The following STIM1 variants were observed in gnomAD, a reference collection of about 807,000 sequenced individuals.
STIM1 encodes stromal interaction molecule 1.
In STIM1, 25 loss-of-function variants were observed where a neutral mutation model predicts 74.7. The ratio of observed to expected loss-of-function variants is 0.33; its 90% CI spans 0.24 to 0.47. The LOEUF (loss-of-function observed/expected upper bound fraction) is 0.47. STIM1 is among the 20% of genes least tolerant of loss of function. The pLI, the probability that STIM1 is intolerant of heterozygous loss-of-function variation, is 1.00. For missense variants in STIM1, 728 were observed against 920.8 expected (o/e 0.79, Z 2.71); for synonymous variants, 328 against 348.8 (o/e 0.94, Z 0.66).
At position 3,905,219 on chromosome 11, in the gene STIM1, G is replaced by C. The variant is rs571863510; in HGVS notation, c.139+48810G>C. The stretch of plus-strand genomic sequence containing the variant: ...ATGGTGACAGCAGTTTCAGTGGAGG[G>C]GTGGGGACAGAAGCTAGACTGCTGT... On this transcript the variant is annotated intron_variant, in intron 1 of 12. Coordinates refer to ENST00000526596, the MANE Select transcript of STIM1 (RefSeq NM_001382567.1). Among the ~76,000 whole-genome samples the C allele has an allele frequency of 8.5e-5, 13 of 152,266 alleles. No homozygotes were observed. The South Asian group carries it at 2.5e-3, about 29-fold the overall frequency.
At chr11:3,944,636 C>G (rs574151192) in intron 1 of STIM1, among the ~76,000 whole-genome samples, 1 of 152,352 alleles carries the variant, frequency 6.6e-6, no homozygotes, top group East Asian at 1.9e-4. Context: ...GTCACCAACT[C>G]ACTGTGCCAC....
At chr11:3,963,222 A>G (rs1054698332) in intron 1 of STIM1, among the ~76,000 whole-genome samples, 3 of 152,058 alleles carry the variant, frequency 2.0e-5, no homozygotes, top group African/African-American at 7.2e-5. Context: ...ATTTTTCCTC[A>G]TCCTCTTCCT....
chr11:3,944,837 T>C (rs1171867035), intron 1 of STIM1, among the ~76,000 whole-genome samples: 1 of 152,248 alleles, frequency 6.6e-6, no homozygotes, highest in Non-Finnish European at 1.5e-5. Flanking sequence ...CATCATTTCT[T>C]GCTAGGGTTT....
chr11:4,000,246 A>G (rs1211223597), intron 2 of STIM1, among the ~76,000 whole-genome samples: 1 of 100,952 alleles, frequency 9.9e-6, no homozygotes. Context: ...TTCTCCCAGC[A>G]TGCAGCTGCA....
At chr11:4,033,862 G>A (rs2094075160) in intron 3 of STIM1, among the ~76,000 whole-genome samples, 1 of 151,832 alleles carries the variant, frequency 6.6e-6, no homozygotes. Flanking sequence ...GCCTCCCAAA[G>A]TGCCAGGATT....
intron 1 of STIM1, among the ~76,000 whole-genome samples, chr11:3,870,257 T>C (rs2135261995): frequency 6.6e-6 from 1 of 152,312 alleles, no homozygotes; most frequent in African/African-American, 2.4e-5. Context: ...TTTTAGCTAT[T>C]AAACTTCCTA....
At chr11:4,085,905 T>C (rs2133237098) in intron 11 of STIM1, among the ~76,000 whole-genome samples, 1 of 152,350 alleles carries the variant, frequency 6.6e-6, no homozygotes, top group East Asian at 1.9e-4. Flanking sequence ...TTCCATTTTC[T>C]TCAAGTCTTT....
intron 2 of STIM1, among the ~76,000 whole-genome samples, chr11:3,981,535 T>C (rs2093505271): frequency 1.3e-5 from 2 of 152,220 alleles, no homozygotes; most frequent in Admixed American, 6.5e-5. Context: ...CTTTAAATAG[T>C]TTCTCTAGTG....
intron 1 of STIM1, among the ~76,000 whole-genome samples, chr11:3,876,402 C>T (rs1435400926): frequency 6.6e-6 from 1 of 151,972 alleles, no homozygotes; most frequent in Non-Finnish European, 1.5e-5. Flanking sequence ...GAAAGGACTA[C>T]ATTCATTTCT....
At chr11:3,955,102 AG>A (rs2093195257) in intron 1 of STIM1, among the ~76,000 whole-genome samples, 1 of 152,248 alleles carries the variant, frequency 6.6e-6, no homozygotes, top group South Asian at 2.1e-4. Context: ...AATCTTGTTG[AG>A]TAACAGAAGC....
intron 1 of STIM1, among the ~76,000 whole-genome samples, chr11:3,928,288 C>T (rs888540387): frequency 6.7e-6 from 1 of 149,880 alleles, no homozygotes; most frequent in African/African-American, 2.5e-5. Context: ...TGCAGTGGTG[C>T]AATCTCGGCT....
At chr11:4,074,201 T>C (rs2094423463) in intron 6 of STIM1, among the ~76,000 whole-genome samples, 1 of 152,210 alleles carries the variant, frequency 6.6e-6, no homozygotes. Flanking sequence ...GGAAATACCT[T>C]GTAAACTGGT....
chr11:3,932,918 C>G (rs1321403200), intron 1 of STIM1, among the ~76,000 whole-genome samples: 1 of 152,148 alleles, frequency 6.6e-6, no homozygotes, highest in Non-Finnish European at 1.5e-5. Flanking sequence ...AGACAGGCTC[C>G]TCTACAGAGT....
intron 2 of STIM1, among the ~76,000 whole-genome samples, chr11:3,995,405 T>C (rs1160687367): frequency 1.3e-5 from 2 of 152,190 alleles, no homozygotes; most frequent in South Asian, 2.1e-4. Context: ...AATCCTCTGA[T>C]GTTGCTCCTC....
At chr11:3,973,396 G>T in intron 2 of STIM1, 1 of 388,734 alleles carries the variant, frequency 2.6e-6, no homozygotes, top group Non-Finnish European at 5.0e-6. Flanking sequence ...TTCACAGTAT[G>T]GTATTTCTTT....
At chr11:4,005,987 A>G (rs2093776186) in intron 2 of STIM1, among the ~76,000 whole-genome samples, 1 of 152,150 alleles carries the variant, frequency 6.6e-6, no homozygotes, top group Non-Finnish European at 1.5e-5. Flanking sequence ...AGAGTTGGTA[A>G]ACTTTTCAGA....
chr11:4,041,182 TTC>T (rs2094144190), intron 3 of STIM1, among the ~76,000 whole-genome samples: 1 of 152,180 alleles, frequency 6.6e-6, no homozygotes, highest in East Asian at 1.9e-4. Flanking sequence ...AGTCACTCCT[TTC>T]TCTGTGCTCC....
Position 4,074,566 on chromosome 11 carries a change from C to A in STIM1, c.856C>A (p.Leu286Met). 6.2e-7 allele frequency: 1 copy of A among 1,614,114 alleles called. No homozygotes were observed. The highest frequency in any genetic ancestry group is 8.5e-7 in the Non-Finnish European group (1 of 1,180,024). Residue 286 changes from leucine to methionine, a missense_variant, in exon 7 of 13, where the codon CTG becomes ATG. Physicochemically the swap from Leu to Met is conservative, Grantham distance 15 (BLOSUM62 2). This residue lies in a region of STIM1 where 131 missense variants were observed against 235.9 expected (regional missense o/e 0.56). Coordinates refer to ENST00000526596, the MANE Select transcript of STIM1 (RefSeq NM_001382567.1). Reference sequence around the variant, plus strand: ...GGAGAAGGTCCATCTGGAAAAGAAGCTGCGCGATGAGATCAACCTTGCTAA... The same window carrying A: ...GGAGAAGGTCCATCTGGAAAAGAAGATGCGCGATGAGATCAACCTTGCTAA... ...EVEKVHLEKK[L>M]RDEINLAKQE...
At chr11:4,028,395 T>C (rs2094016514) in intron 3 of STIM1, among the ~76,000 whole-genome samples, 1 of 151,388 alleles carries the variant, frequency 6.6e-6, no homozygotes, top group Non-Finnish European at 1.5e-5. Flanking sequence ...ATTTCTTTTT[T>C]TTTCTTTCTT....
Sources: allele counts gnomAD v4.1 joint callset (sites outside exome capture counted in the v4.1 genomes callset), GRCh38; gene constraint gnomAD v4.1.1; regional missense constraint gnomAD v4.1.1; transcripts MANE v1.5; gene names NCBI Gene and HGNC (gene_info 2026-07-23, HGNC 2026-07-21).